Variants in IGSF9 observed in about 807,000 individuals in gnomAD.
IGSF9 encodes immunoglobulin superfamily member 9.
In IGSF9, 87 loss-of-function variants were observed where a neutral mutation model predicts 121.7. The observed-to-expected ratio is 0.71, with a 90% CI of 0.60 to 0.85. The LOEUF is 0.85. Ranked by LOEUF, IGSF9 falls within the 40% of genes least tolerant of loss-of-function variation. IGSF9 has a pLI of 0.00. For synonymous variants in IGSF9, 640 were observed against 648.4 expected, an observed-to-expected ratio of 0.99 and a Z score of 0.20; for missense variants, 1,462 against 1,565.3, an observed-to-expected ratio of 0.93 and a Z score of 1.11.
intron 15 of IGSF9, 79 bp from the exon 16 acceptor site, chr1:159,930,054 A>C (rs1212101064): frequency 6.4e-7 from 1 of 1,558,912 alleles, no homozygotes; most frequent in East Asian, 2.3e-5. Flanking sequence ...AAGACCGTGC[A>C]CGTGGGACGG....
rs767683606 is a variant in IGSF9, at chr1:159,943,158, G to A, written c.59-7C>T. 1.3e-6 allele frequency: 2 copies of A among 1,581,938 alleles called. No homozygotes were observed. Among genetic ancestry groups the A allele is most frequent in the East Asian group, 2.3e-5 (1 of 43,850 alleles). On this transcript the variant is annotated splice_region_variant and splice_polypyrimidine_tract_variant and intron_variant, in intron 2 of 20. Transcript: ENST00000368094. The stretch of plus-strand genomic sequence containing the variant: ...ACCTCAGGCTTCCCTCGACCTGCAT[G>A]ATGGGTGGCATGAGGGCACAACGGG...
chr1:159,928,757 G>T lies in IGSF9; in HGVS notation c.2631C>A (p.Ala877=). 6.8e-7 allele frequency: 1 copy of T among 1,477,186 alleles called. No individual in the cohort carries two copies. The highest frequency in any genetic ancestry group is 9.0e-7 in the Non-Finnish European group (1 of 1,111,830). The allele number at this position is 1,477,186 out of a possible 1,614,324, so 91.5% of individuals were successfully genotyped here. Residue 877 remains alanine, a synonymous_variant, in exon 19 of 21, where the codon GCC becomes GCA. Coordinates refer to ENST00000368094, the MANE Select transcript of IGSF9 (RefSeq NM_001135050.2). ...AGTCAAAGGACCGGGCCAGACGCTG[G>T]GCTGGAGTCCGAGGTTCTGCCTGCT... ...GREQAEPRTP[A]QRLARSFDCS... is the part of the protein sequence containing the mutation.
intron 9 of IGSF9, chr1:159,933,852 G>A: frequency 8.4e-6 from 3 of 355,652 alleles, no homozygotes; most frequent in Non-Finnish European, 1.6e-5. Context: ...CACAGCACCT[G>A]GTAAGAAGTG....
rs1428724339 is a variant in IGSF9 at position 159,931,553 on chromosome 1, G to A, written c.1413C>T (p.Leu471=). The A allele has an allele frequency of 6.2e-7, 1 of 1,613,998 alleles. No homozygotes were observed. The highest frequency in any genetic ancestry group is 1.3e-5 in the African/African-American group (1 of 74,926). The change falls in exon 12 of 21, where the codon CTC becomes CTT. Residue 471 remains leucine (L), a synonymous_variant. Transcript: ENST00000368094. This position sits in a 1 kb window ranked among gnomAD's most constrained non-coding sequence, Gnocchi z 4.8. ...GQAQVDSNSS[L]ILRPLTKEAH... is the part of the protein sequence containing the mutation. ...CCTCCTTGGTCAATGGTCGCAGGAT[G>A]AGGCTGCTGTTGCTGTCCACCTGGG... is the stretch of plus-strand genomic sequence containing the variant.
At chr1:159,928,035 G>A in intron 19 of IGSF9, 123 bp downstream of exon 19, 2 of 1,485,690 alleles carry the variant, frequency 1.3e-6, no homozygotes, top group Non-Finnish European at 1.8e-6. Flanking sequence ...GCTTCTAAAA[G>A]GGACAAGTTT....
chr1:159,931,482 A>G lies in IGSF9; in HGVS notation c.1484T>C (p.Val495Ala). ...ECSASNAVAR[V>A]ATSTNVYVLG... is the part of the protein sequence containing the mutation. ...CACGTAGACGTTCGTGGAGGTGGCC[A>G]CTCGGGCCACAGCATTGCTGGCACT... is the stretch of plus-strand genomic sequence containing the variant. Residue 495 changes from valine (V) to alanine (A), a missense_variant, in exon 12 of 21, where the codon GTG (valine) becomes GCG (alanine). Coordinates refer to ENST00000368094, the MANE Select transcript of IGSF9 (RefSeq NM_001135050.2). The surrounding 1 kb of genome is among the most constrained non-coding windows in gnomAD (Gnocchi z 4.8). 2.5e-6 allele frequency: 4 copies of G among 1,613,896 alleles called. No individual in the cohort carries two copies. Among genetic ancestry groups the G allele is most frequent in the Middle Eastern group, 1.7e-4 (1 of 6,060 alleles).
chr1:159,931,509 C>T lies in IGSF9; in HGVS notation c.1457G>A (p.Cys486Tyr). 6.2e-7 allele frequency: 1 copy of T among 1,614,092 alleles called. No individual in the cohort carries two copies. The highest frequency in any genetic ancestry group is 8.5e-7 in the Non-Finnish European group (1 of 1,179,944). ...TCGGGCCACAGCATTGCTGGCACTGCATTCCCAGTGCCCGTGGGCCTCCTT... is the reference window on the plus strand; with the variant it reads ...TCGGGCCACAGCATTGCTGGCACTGTATTCCCAGTGCCCGTGGGCCTCCTT... ...LTKEAHGHWE[C>Y]SASNAVARVA... Residue 486 changes from cysteine (C) to tyrosine (Y), a missense_variant, in exon 12 of 21, where the codon TGC (cysteine) becomes TAC (tyrosine). By Grantham distance (194) the Cys-to-Tyr change is radical (BLOSUM62 -2). Coordinates refer to ENST00000368094, the MANE Select transcript of IGSF9 (RefSeq NM_001135050.2). The surrounding 1 kb of genome is among the most constrained non-coding windows in gnomAD (Gnocchi z 4.8).
At chr1:159,930,945 C>T in intron 13 of IGSF9, 78 bp from the exon 14 acceptor site, 1 of 1,450,190 alleles carries the variant, frequency 6.9e-7, no homozygotes, top group Non-Finnish European at 9.3e-7. Flanking sequence ...ATCTAACCAC[C>T]TCCCCTCTGC....
In IGSF9 at chr1:159,928,292, C is replaced by G; in HGVS notation, c.3096G>C (p.Ser1032=). The G allele has an allele frequency of 6.2e-7, 1 of 1,612,270 alleles. No individual in the cohort carries two copies. Among genetic ancestry groups the G allele is most frequent in the Non-Finnish European group, 8.5e-7 (1 of 1,179,524 alleles). The change falls in exon 19 of 21, where the codon TCG becomes TCC. Residue 1032 remains serine, a synonymous_variant. Transcript: ENST00000368094. ...GGGCTGTGGAGGGGGGCCGCAGGAA[C>G]GAAGCGCTGCCTCGCCCACTGCTCT... is the stretch of plus-strand genomic sequence containing the variant. ...TSQSSGRGSA[S]FLRPPSTAPS... is the part of the protein sequence containing the mutation.
At position 159,928,571 on chromosome 1, in the gene IGSF9, C is replaced by T; in HGVS notation, c.2817G>A (p.Gly939=). The T allele has an allele frequency of 6.5e-7, 1 of 1,529,132 alleles. No individual in the cohort carries two copies. 94.7% of individuals were successfully genotyped at this position (1,529,132 alleles called of 1,614,324 possible). A position where few individuals can be genotyped will look rare whatever the true frequency, so the allele number is the denominator to read the frequency against. Residue 939 remains glycine (G), a synonymous_variant, in exon 19 of 21, where the codon GGG becomes GGA. Coordinates refer to ENST00000368094, the MANE Select transcript of IGSF9 (RefSeq NM_001135050.2). The stretch of plus-strand genomic sequence containing the variant: ...TGGGCTCCTCAAGCGGGGGCCAGTC[C>T]CCATCCACATTCATCTCTCGGAAGA... The part of the protein sequence containing the change: ...LPFFREMNVD[G]DWPPLEEPSP...
chr1:159,936,763 GC>G lies in IGSF9; in HGVS notation c.545del (p.Gly182AlafsTer15), dbSNP rs1169590688. 1 of 1,614,122 alleles carries G rather than the reference GC, an allele frequency of 6.2e-7. No individual in the cohort carries two copies. Among genetic ancestry groups the G allele is most frequent in the Non-Finnish European group, 8.5e-7 (1 of 1,179,970 alleles). On this transcript the variant is annotated frameshift_variant, in exon 5 of 21. Transcript: ENST00000368094. LOFTEE classifies it high-confidence loss of function. ...CACCCCCAGGACTCACTTGCACCTG[GC>G]CCTGGCCCTGGCCAAGGTCCTTTCC... is the stretch of plus-strand genomic sequence containing the variant. The part of the protein sequence containing the change: ...LRGKDLGQGQ[G>X]QVQVQNGTLR...
intron 3 of IGSF9, among the ~76,000 whole-genome samples, chr1:159,940,004 C>T (rs983325419): frequency 2.0e-5 from 3 of 152,172 alleles, no homozygotes; most frequent in Non-Finnish European, 4.4e-5. Context: ...TATAGCTCTA[C>T]AAAGAAGGAA....
At position 159,932,727 on chromosome 1, in the gene IGSF9, G is replaced by A. The variant is rs1651041420; in HGVS notation, c.1105-75C>T. 2.7e-6 allele frequency: 4 copies of A among 1,460,932 alleles called. No homozygotes were observed. Among genetic ancestry groups the A allele is most frequent in the African/African-American group, 2.8e-5 (2 of 71,194 alleles). The allele number at this position is 1,460,932 out of a possible 1,614,324, so 90.5% of individuals were successfully genotyped here. A position where few individuals can be genotyped will look rare whatever the true frequency, so the allele number is the denominator to read the frequency against. On this transcript the variant is annotated intron_variant, in intron 9 of 20. Coordinates refer to ENST00000368094, the MANE Select transcript of IGSF9 (RefSeq NM_001135050.2). The surrounding 1 kb of genome is among the most constrained non-coding windows in gnomAD (Gnocchi z 4.1). ...AGCCCGGGATGGCAGTACAAGAGAGGGGGCAGGATGAGAAACCCACAGCTG... is the reference window on the plus strand; with the variant it reads ...AGCCCGGGATGGCAGTACAAGAGAGAGGGCAGGATGAGAAACCCACAGCTG...
At chr1:159,943,956 G>T (rs1182366268) in intron 1 of IGSF9, among the ~76,000 whole-genome samples, 2 of 152,114 alleles carry the variant, frequency 1.3e-5, no homozygotes, top group Non-Finnish European at 2.9e-5. Context: ...GAGAACTGGG[G>T]TTCCTCATAT....
Position 159,928,872 on chromosome 1 carries a change from G to C in IGSF9, c.2516C>G (p.Pro839Arg), listed in dbSNP as rs778205242. Residue 839 changes from proline (P) to arginine (R), a missense_variant, in exon 19 of 21, where the codon CCC becomes CGC. Transcript: ENST00000368094. ...CCGGCAAATGGGCTCCAGAGGTAAG[G>C]GTCCCCGGCTAGATGGAGGATCCGG... ...PHPDPPSSRG[P>R]LPLEPICRGP... 7.5e-6 allele frequency: 12 copies of C among 1,592,354 alleles called. No individual in the cohort carries two copies. In the Admixed American group the frequency reaches 1.9e-4, roughly 26 times the overall value.
rs890264206 is a variant in IGSF9, at chr1:159,927,109, G to A, written c.*236C>T. 8.9e-6 allele frequency: 5 copies of A among 560,236 alleles called. No homozygotes were observed. Among genetic ancestry groups the A allele is most frequent in the Non-Finnish European group, 1.6e-5 (5 of 311,514 alleles). The allele number at this position is 560,236 out of a possible 1,614,324, so 34.7% of individuals were successfully genotyped here. On this transcript the variant is annotated 3_prime_UTR_variant, in exon 21 of 21. Coordinates refer to ENST00000368094, the MANE Select transcript of IGSF9 (RefSeq NM_001135050.2). ...ACACACACACACACAGAGAGAGAGA[G>A]AGAGAGAGAGAGAGAGAGAGAGGCA...
At position 159,929,637 on chromosome 1, in the gene IGSF9, C is replaced by G. The variant is rs1157021105; in HGVS notation, c.2326+1G>C. 3 of 1,593,620 alleles carry G rather than the reference C, an allele frequency of 1.9e-6. No individual in the cohort carries two copies. Among genetic ancestry groups the G allele is most frequent in the Non-Finnish European group, 2.6e-6 (3 of 1,171,440 alleles). ...GCAGGGCTGAGGGTGGAGGGACTTA[C>G]CTTGGCGGAGGCGCTTGCGGCGGCG... On this transcript the variant is annotated splice_donor_variant, in intron 17 of 20. Transcript: ENST00000368094. LOFTEE classifies it high-confidence loss of function.
chr1:159,927,130 A>AGAGAGAGG lies in IGSF9; in HGVS notation c.*214_*215insCCTCTCTC. The AGAGAGAGG allele has an allele frequency of 1.7e-6, 1 of 585,230 alleles. No homozygotes were observed. The highest frequency in any genetic ancestry group is 3.1e-5 in the Admixed American group (1 of 32,378). 36.3% of individuals were successfully genotyped at this position (585,230 alleles called of 1,614,324 possible). On this transcript the variant is annotated 3_prime_UTR_variant, in exon 21 of 21. Transcript: ENST00000368094. ...GAGAGAGAGAGAGAGAGAGAGAGAG[A>AGAGAGAGG]GGCAGACCTAAGATCCCTGTTCCAA...
chr1:159,934,622 C>G, intron 7 of IGSF9, 52 bp from the exon 8 acceptor site: 1 of 1,613,484 alleles, frequency 6.2e-7, no homozygotes, highest in Non-Finnish European at 8.5e-7. Flanking sequence ...AGCCAAGCGG[C>G]TCTTCAGAGA....
Sources: gnomAD v4.1 joint callset for allele counts (sites outside exome capture counted in the v4.1 genomes callset) on GRCh38, gnomAD v4.1.1 for gene constraint, Gnocchi (gnomAD v3.1) non-coding constraint, MANE v1.5 for transcripts, NCBI Gene and HGNC (gene_info 2026-07-23, HGNC 2026-07-21) for gene names.